Variants in APOO observed in about 807,000 individuals in gnomAD.
APOO encodes the protein apolipoprotein O.
In APOO, 11 loss-of-function variants were observed where a neutral mutation model predicts 23.1. The observed-to-expected ratio is 0.48, with a 90% confidence interval of 0.30 to 0.79. APOO has a LOEUF of 0.79. APOO is among the 30% of genes least tolerant of loss of function. The probability of loss-of-function intolerance (pLI) is 0.07; values close to 1 mark genes in which losing one functional copy is unlikely to be tolerated. For synonymous variants in APOO, 59 were observed against 54.8 expected (o/e 1.08, Z -0.34); for missense variants, 160 against 142.7 (o/e 1.12, Z -0.62).
intron 4 of APOO, among the ~76,000 whole-genome samples, chrX:23,870,981 C>G (rs1443221981): frequency 9.1e-6 from 1 of 109,614 alleles, no homozygotes; most frequent in African/African-American, 3.3e-5. Context: ...CCCAGCTACT[C>G]AGGAGGCTGA....
rs58081431 is a variant in APOO at position 23,857,661 on chromosome X, T to C, written c.480+981A>G. Reference sequence around the variant, plus strand: ...AGGTCAGTCTGGCTCAGAGTCCAATTTGGGTGACTGCACTGCTGTCTGCTC... The same window carrying C: ...AGGTCAGTCTGGCTCAGAGTCCAATCTGGGTGACTGCACTGCTGTCTGCTC... On this transcript the variant is annotated intron_variant, in intron 6 of 8. Transcript: ENST00000379226. 0.035 allele frequency among the ~76,000 whole-genome samples: 3,848 copies of C among 111,291 alleles called. 355 individuals carry two copies. In the East Asian group the frequency reaches 0.48, roughly 14 times the overall value.
chrX:23,869,640 G>GA (rs761388017), intron 4 of APOO, among the ~76,000 whole-genome samples: 2,581 of 33,855 alleles, frequency 0.076, 203 homozygotes, highest in African/African-American at 0.23. Context: ...CTCTTAAAAA[G>GA]AAAAAAAAAA....
At chrX:23,884,690 G>A (rs1926292510) in intron 1 of APOO, among the ~76,000 whole-genome samples, 1 of 111,714 alleles carries the variant, frequency 9.0e-6, no homozygotes, top group African/African-American at 3.3e-5. Flanking sequence ...TTTCAGTTAG[G>A]AGGAGTAGTT....
At chrX:23,891,553 A>T (rs1926654635) in intron 1 of APOO, among the ~76,000 whole-genome samples, 1 of 111,352 alleles carries the variant, frequency 9.0e-6, no homozygotes, top group South Asian at 3.7e-4. Flanking sequence ...ACTCCCACTC[A>T]TATGCTACTG....
chrX:23,861,764 C>T (rs368853370), intron 5 of APOO, among the ~76,000 whole-genome samples: 47 of 105,797 alleles, frequency 4.4e-4, no homozygotes, highest in East Asian at 8.8e-4. Flanking sequence ...AGAACCTGCC[C>T]GTCAGTGGGC....
At chrX:23,856,514 A>T in intron 6 of APOO, 132 bp from the exon 7 acceptor site, 1 of 450,839 alleles carries the variant, frequency 2.2e-6, no homozygotes, top group Non-Finnish European at 3.5e-6. Flanking sequence ...TATGCATAAT[A>T]GCAAAACATG....
At chrX:23,881,960 A>C (rs918194123) in intron 1 of APOO, among the ~76,000 whole-genome samples, 1 of 104,018 alleles carries the variant, frequency 9.6e-6, no homozygotes, top group South Asian at 4.3e-4. Flanking sequence ...AAAAAAAAAA[A>C]AAAAAAAAAA....
intron 7 of APOO, among the ~76,000 whole-genome samples, chrX:23,853,543 C>T (rs1395608555): frequency 2.7e-5 from 3 of 110,029 alleles, no homozygotes; most frequent in African/African-American, 9.9e-5. Flanking sequence ...CTCCTGACCT[C>T]GTGATCCGCC....
intron 1 of APOO, among the ~76,000 whole-genome samples, chrX:23,885,903 G>C (rs982095365): frequency 1.8e-4 from 20 of 111,326 alleles, no homozygotes; most frequent in African/African-American, 6.5e-4. Flanking sequence ...CACCCCAGGA[G>C]ACCTGGGAGA....
chrX:23,882,649 CTT>C (rs1318433652), intron 1 of APOO, among the ~76,000 whole-genome samples: 13 of 100,059 alleles, frequency 1.3e-4, no homozygotes, highest in Non-Finnish European at 1.6e-4. Context: ...AATGGACAAA[CTT>C]TTTTTTTTTT....
intron 1 of APOO, among the ~76,000 whole-genome samples, chrX:23,883,109 C>T (rs1302825099): frequency 9.0e-6 from 1 of 111,417 alleles, no homozygotes; most frequent in Non-Finnish European, 1.9e-5. Flanking sequence ...AAAAGTGATA[C>T]GGGAGGGGCA....
intron 2 of APOO, 142 bp downstream of exon 2, chrX:23,880,699 AAAAT>A (rs751766793): frequency 0.012 from 2,031 of 171,385 alleles, 43 homozygotes; most frequent in African/African-American, 0.054. Flanking sequence ...ACTCCGTCTC[AAAAT>A]AAATAAATAA....
chrX:23,893,637 C>T (rs1205849135), intron 1 of APOO, among the ~76,000 whole-genome samples: 1 of 110,286 alleles, frequency 9.1e-6, no homozygotes, highest in Non-Finnish European at 1.9e-5. Context: ...GCCACAATCT[C>T]GGCTCACTGC....
intron 1 of APOO, among the ~76,000 whole-genome samples, chrX:23,886,048 AG>A (rs1377562494): frequency 2.7e-5 from 3 of 111,426 alleles, no homozygotes; most frequent in African/African-American, 9.8e-5. Context: ...TGTGCACTGC[AG>A]GAAGTTTGGC....
At chrX:23,889,109 T>C (rs1281153933) in intron 1 of APOO, among the ~76,000 whole-genome samples, 1 of 109,989 alleles carries the variant, frequency 9.1e-6, no homozygotes, top group Admixed American at 9.9e-5. Flanking sequence ...GTCACTGCAT[T>C]CCAGCCTGAG....
Position 23,838,551 on chromosome X carries a change from G to A in APOO, c.*29+1762C>T, listed in dbSNP as rs755680571. Among the ~76,000 whole-genome samples, 36 of 106,089 alleles carry A rather than the reference G, an allele frequency of 3.4e-4. No individual in the cohort carries two copies. The East Asian group carries it at 0.01, about 31-fold the overall frequency. The allele number at this position is 106,089 out of a possible 115,157, so 92.1% of individuals were successfully genotyped here. A position where few individuals can be genotyped will look rare whatever the true frequency, so the allele number is the denominator to read the frequency against. On this transcript the variant is annotated intron_variant, in intron 8 of 8. Transcript: ENST00000379226. ...CCTGCCTCAGCCTCCCAAGTAGCTG[G>A]GATTACAGGCAACTACCACCATGCC...
intron 7 of APOO, among the ~76,000 whole-genome samples, chrX:23,852,125 T>G (rs1316863730): frequency 9.1e-6 from 1 of 110,006 alleles, no homozygotes; most frequent in Non-Finnish European, 1.9e-5. Context: ...GGGTGCGCCA[T>G]GTTGTCCAGG....
chrX:23,907,312 T>A (rs1350980225), intron 1 of APOO, among the ~76,000 whole-genome samples: 1 of 105,863 alleles, frequency 9.4e-6, no homozygotes, highest in Non-Finnish European at 1.9e-5. Flanking sequence ...TTCTGAAACC[T>A]GACCCTGCCA....
chrX:23,849,761 G>A (rs765063321), intron 7 of APOO, among the ~76,000 whole-genome samples: 4 of 107,648 alleles, frequency 3.7e-5, no homozygotes, highest in Non-Finnish European at 5.8e-5. Context: ...GGGCGGTGGC[G>A]TGCGCCTGCA....
Sources: allele counts gnomAD v4.1 joint callset (sites outside exome capture counted in the v4.1 genomes callset), GRCh38; gene constraint gnomAD v4.1.1; transcripts MANE v1.5; gene names NCBI Gene and HGNC (gene_info 2026-07-23, HGNC 2026-07-21).